RALYL: variants seen among roughly 807,000 people sequenced by gnomAD.
RALYL encodes the protein RNA-binding Raly-like protein.
A neutral mutation model predicts 35.1 loss-of-function variants in RALYL; 29 were observed. The ratio of observed to expected loss-of-function variants is 0.83; its 90% CI spans 0.61 to 1.13. The LOEUF is 1.13. Ranked by LOEUF, RALYL falls within the 50% of genes most tolerant of loss-of-function variation. The pLI is 0.00. For missense variants in RALYL, 359 were observed against 360.4 expected (o/e 1.00, Z 0.03); for synonymous variants, 120 against 127.6 (o/e 0.94, Z 0.40).
At chr8:84,296,734 A>T (rs1839830566) in intron 1 of RALYL, among the ~76,000 whole-genome samples, 1 of 150,088 alleles carries the variant, frequency 6.7e-6, no homozygotes, top group Admixed American at 6.7e-5. Flanking sequence ...AATCTAGAGT[A>T]ATTACTTGTT....
At chr8:84,882,746 TACACACTC>T (rs778134103) in intron 7 of RALYL, among the ~76,000 whole-genome samples, 1 of 151,590 alleles carries the variant, frequency 6.6e-6, no homozygotes, top group Non-Finnish European at 1.5e-5. Flanking sequence ...CAAACACACA[TACACACTC>T]ACACAATCAC....
chr8:84,238,446 T>C (rs867658436), intron 1 of RALYL, among the ~76,000 whole-genome samples: 4 of 152,180 alleles, frequency 2.6e-5, no homozygotes, highest in African/African-American at 4.8e-5. Context: ...GAACATTTCA[T>C]GATGCCACAT....
chr8:84,348,735 C>CAAACACAGCAGCAGTGATGCAGACTGA (rs753286357), intron 1 of RALYL, among the ~76,000 whole-genome samples: 1 of 151,180 alleles, frequency 6.6e-6, no homozygotes, highest in African/African-American at 2.4e-5. Context: ...TTAGAACCAA[C>CAAACACAGCAGCAGTGATGCAGACTGA]TTTTACAAGT....
intron 1 of RALYL, among the ~76,000 whole-genome samples, chr8:84,299,844 T>C (rs926972678): frequency 2.6e-5 from 4 of 152,018 alleles, no homozygotes; most frequent in African/African-American, 7.2e-5. Flanking sequence ...ATTTGGATCT[T>C]CTCTCTTTTT....
chr8:84,318,627 G>T (rs1291374370), intron 1 of RALYL, among the ~76,000 whole-genome samples: 1 of 151,950 alleles, frequency 6.6e-6, no homozygotes, highest in Non-Finnish European at 1.5e-5. Flanking sequence ...CATTTACTCA[G>T]GAAGTTCAAA....
At position 84,227,635 on chromosome 8, in the gene RALYL, T is replaced by C. The variant is rs961121187; in HGVS notation, c.-24+43211T>C. Among the ~76,000 whole-genome samples the C allele has an allele frequency of 2.6e-5, 4 of 152,276 alleles. No individual in the cohort carries two copies. The South Asian group carries it at 8.3e-4, about 32-fold the overall frequency. ...GATTTTTTGGCATTTCACCTGCAAG[T>C]CTTTTTGTCTTATTAGAGTCACACT... On this transcript the variant is annotated intron_variant, in intron 1 of 8. Transcript: ENST00000521268.
At chr8:84,724,471 A>T (rs1405927957) in intron 2 of RALYL, among the ~76,000 whole-genome samples, 2 of 151,780 alleles carry the variant, frequency 1.3e-5, no homozygotes, top group Non-Finnish European at 3.0e-5. Flanking sequence ...AAAATATTCA[A>T]AGCTCTTGAC....
intron 2 of RALYL, among the ~76,000 whole-genome samples, chr8:84,709,216 C>T (rs916940443): frequency 2.0e-5 from 3 of 152,006 alleles, no homozygotes; most frequent in Admixed American, 2.0e-4. Flanking sequence ...CATCTCTAAC[C>T]CTCATTGCCT....
At chr8:84,469,094 C>G (rs1341951346) in intron 1 of RALYL, among the ~76,000 whole-genome samples, 1 of 152,106 alleles carries the variant, frequency 6.6e-6, no homozygotes, top group African/African-American at 2.4e-5. Context: ...GTTTGAATGT[C>G]CTTCCGTAGC....
At chr8:84,434,615 CTT>C (rs906490573) in intron 1 of RALYL, among the ~76,000 whole-genome samples, 1 of 152,082 alleles carries the variant, frequency 6.6e-6, no homozygotes, top group Non-Finnish European at 1.5e-5. Context: ...TAAAAGCAAA[CTT>C]AAAGAATATT....
chr8:84,307,121 A>G (rs1406277050), intron 1 of RALYL, among the ~76,000 whole-genome samples: 2 of 152,172 alleles, frequency 1.3e-5, no homozygotes, highest in Non-Finnish European at 2.9e-5. Flanking sequence ...GATGTTTTAC[A>G]TTAAGTACAC....
chr8:84,349,594 C>T (rs1343153333), intron 1 of RALYL, among the ~76,000 whole-genome samples: 2 of 150,182 alleles, frequency 1.3e-5, no homozygotes, highest in Non-Finnish European at 3.0e-5. Flanking sequence ...TTTCTCTCCC[C>T]CCACCTACCC....
intron 1 of RALYL, among the ~76,000 whole-genome samples, chr8:84,217,705 C>T (rs1193313260): frequency 6.6e-6 from 1 of 152,040 alleles, no homozygotes; most frequent in Admixed American, 6.6e-5. Context: ...TGAAGATTTA[C>T]AATAGATCAT....
intron 1 of RALYL, among the ~76,000 whole-genome samples, chr8:84,319,233 A>G (rs1389455967): frequency 6.6e-6 from 1 of 152,178 alleles, no homozygotes; most frequent in Non-Finnish European, 1.5e-5. Context: ...ACTTAAAACA[A>G]CAGAATTATT....
At chr8:84,495,022 T>C (rs553447612) in intron 1 of RALYL, among the ~76,000 whole-genome samples, 1 of 152,270 alleles carries the variant, frequency 6.6e-6, no homozygotes, top group African/African-American at 2.4e-5. Context: ...CAGTATGATA[T>C]TGGCTTGGAT....
intron 1 of RALYL, among the ~76,000 whole-genome samples, chr8:84,426,414 C>G (rs1227851619): frequency 6.8e-6 from 1 of 147,326 alleles, no homozygotes; most frequent in Non-Finnish European, 1.5e-5. Context: ...CTTGTAACTA[C>G]TCTTTTGCGT....
chr8:84,877,802 G>C (rs1461051083), intron 7 of RALYL, among the ~76,000 whole-genome samples: 1 of 152,092 alleles, frequency 6.6e-6, no homozygotes, highest in Non-Finnish European at 1.5e-5. Flanking sequence ...GGAAAGTGTT[G>C]CTCCAGATAT....
At chr8:84,295,521 A>C (rs1194435309) in intron 1 of RALYL, among the ~76,000 whole-genome samples, 1 of 151,976 alleles carries the variant, frequency 6.6e-6, no homozygotes, top group African/African-American at 2.4e-5. Flanking sequence ...GCTCTTCCCA[A>C]ACTCCTGTGC....
chr8:84,322,902 A>G lies in RALYL; in HGVS notation c.-24+138478A>G, dbSNP rs796475454. ...AAATATCCCACGTTGATCACTTCAT[A>G]TTATTTAAAATATGTATGTGAAAAG... On this transcript the variant is annotated intron_variant, in intron 1 of 8. Transcript: ENST00000521268. Among the ~76,000 whole-genome samples the G allele has an allele frequency of 7.2e-5, 11 of 152,216 alleles. 1 individual carries two copies. Among genetic ancestry groups the G allele is most frequent in the African/African-American group, 2.6e-4 (11 of 41,570 alleles).
Sources: allele counts gnomAD v4.1 joint callset (sites outside exome capture counted in the v4.1 genomes callset), GRCh38; gene constraint gnomAD v4.1.1; transcripts MANE v1.5; gene names NCBI Gene and HGNC (gene_info 2026-07-23, HGNC 2026-07-21).